The following PLN variants were observed in gnomAD, a reference collection of about 807,000 sequenced individuals.
PLN encodes the protein cardiac phospholamban.
Under a neutral mutation model 3.9 loss-of-function variants are expected in PLN, and 1 was observed. The ratio of observed to expected loss-of-function variants is 0.26; its 90% confidence interval spans 0.09 to 1.23. The LOEUF (loss-of-function observed/expected upper bound fraction) is 1.23. Among genes scored for constraint, PLN ranks in the 50% most tolerant of loss-of-function variants. The probability of loss-of-function intolerance (pLI) is 0.48; values close to 1 mark genes in which losing one functional copy is unlikely to be tolerated. For synonymous variants in PLN, 21 were observed against 20.5 expected (o/e 1.02, Z -0.07); for missense variants, 59 against 62.7 (o/e 0.94, Z 0.20).
rs188747795 is a variant in PLN at position 118,551,738 on chromosome 6, C to T, written c.-98+3346C>T. Among the ~76,000 whole-genome samples, 6 of 152,018 alleles carry T rather than the reference C, an allele frequency of 3.9e-5. No homozygotes were observed. The East Asian group carries it at 9.7e-4, about 24-fold the overall frequency. Reference sequence around the variant, plus strand: ...ATGCATATACAATTATTTTCATAACCAGACAGAAGCAGCTTGAAGATTCTT... The same window carrying T: ...ATGCATATACAATTATTTTCATAACTAGACAGAAGCAGCTTGAAGATTCTT... On this transcript the variant is annotated intron_variant, in intron 1 of 1. Coordinates refer to ENST00000357525, the MANE Select transcript of PLN (RefSeq NM_002667.5).
intron 1 of PLN, among the ~76,000 whole-genome samples, chr6:118,555,510 T>C (rs1583037946): frequency 6.7e-6 from 1 of 149,096 alleles, no homozygotes; most frequent in Non-Finnish European, 1.5e-5. Context: ...AATAAGCAAA[T>C]ATCAACATAA....
rs1319259890 is a variant in PLN, at chr6:118,560,684, T to C, written c.*1604T>C. ...CAGTCCACTCTACTGAGCTAAATTA[T>C]AGATCCAGCTATGCTATTTATAATT... is the stretch of plus-strand genomic sequence containing the variant. On this transcript the variant is annotated 3_prime_UTR_variant, in exon 2 of 2. Coordinates refer to ENST00000357525, the MANE Select transcript of PLN (RefSeq NM_002667.5). 3 of 166,710 alleles carry C rather than the reference T, an allele frequency of 1.8e-5. No individual in the cohort carries two copies. The highest frequency in any genetic ancestry group is 3.8e-4 in the East Asian group (2 of 5,198). The allele number at this position is 166,710 out of a possible 1,614,324, so 10.3% of individuals were successfully genotyped here.
At chr6:118,555,500 A>AATAAGCAAATATCAAC (rs376314551) in intron 1 of PLN, among the ~76,000 whole-genome samples, 22 of 152,290 alleles carry the variant, frequency 1.4e-4, no homozygotes, top group African/African-American at 4.8e-4. Flanking sequence ...CTAGATCTAC[A>AATAAGCAAATATCAAC]ATAAGCAAAT....
chr6:118,558,894 A>T lies in PLN; in HGVS notation c.-28A>T, dbSNP rs763754683. ...TTTATCTTTCTCTCGACCACTTAAA[A>T]CTTCAGACTTCCTGTCCTGCTGGTA... On this transcript the variant is annotated 5_prime_UTR_variant, in exon 2 of 2. Coordinates refer to ENST00000357525, the MANE Select transcript of PLN (RefSeq NM_002667.5). 23 of 1,605,368 alleles carry T rather than the reference A, an allele frequency of 1.4e-5. No individual in the cohort carries two copies. Among genetic ancestry groups the T allele is most frequent in the Non-Finnish European group, 2.0e-5 (23 of 1,172,336 alleles).
chr6:118,554,554 G>C lies in PLN; in HGVS notation c.-97-4271G>C, dbSNP rs9688495. ...ATACCAATTATGCACTAAGTACTAG[G>C]ATACTAAATAAACACACAGTTTCTT... On this transcript the variant is annotated intron_variant, in intron 1 of 1. Coordinates refer to ENST00000357525, the MANE Select transcript of PLN (RefSeq NM_002667.5). Among the ~76,000 whole-genome samples the C allele has an allele frequency of 3.9e-5, 6 of 152,068 alleles. 1 individual carries two copies. The highest frequency in any genetic ancestry group is 1.4e-4 in the African/African-American group (6 of 41,396).
chr6:118,556,152 C>T (rs1434147641), intron 1 of PLN, among the ~76,000 whole-genome samples: 1 of 152,136 alleles, frequency 6.6e-6, no homozygotes, highest in Non-Finnish European at 1.5e-5. Context: ...TTACACTCCT[C>T]TGGATATATA....
intron 1 of PLN, among the ~76,000 whole-genome samples, chr6:118,549,734 T>C (rs1332960451): frequency 1.3e-5 from 2 of 151,914 alleles, no homozygotes; most frequent in Non-Finnish European, 3.0e-5. Flanking sequence ...TATTCAAATA[T>C]CTATCAAATT....
At chr6:118,558,652 C>CAG (rs1482465423) in intron 1 of PLN, among the ~76,000 whole-genome samples, 173 bp from the exon 2 acceptor site, 5 of 132,896 alleles carry the variant, frequency 3.8e-5, no homozygotes, top group East Asian at 2.0e-4. Flanking sequence ...CACACACACA[C>CAG]ACACACACAG....
At chr6:118,549,856 A>G (rs556512418) in intron 1 of PLN, among the ~76,000 whole-genome samples, 109 of 152,038 alleles carry the variant, frequency 7.2e-4, no homozygotes, top group African/African-American at 2.5e-3. Flanking sequence ...AGCAGAAATT[A>G]TATTAAACTT....
intron 1 of PLN, among the ~76,000 whole-genome samples, chr6:118,549,576 G>A (rs1778417464): frequency 6.6e-6 from 1 of 151,620 alleles, no homozygotes; most frequent in Non-Finnish European, 1.5e-5. Context: ...AACTCTGTAA[G>A]CAGCTTTCCT....
At chr6:118,551,927 TG>T (rs1487718529) in intron 1 of PLN, among the ~76,000 whole-genome samples, 16 of 152,042 alleles carry the variant, frequency 1.1e-4, no homozygotes, top group Admixed American at 1.0e-3. Context: ...AATGATGAAC[TG>T]TCCTAATTTA....
intron 1 of PLN, among the ~76,000 whole-genome samples, chr6:118,554,674 GC>G (rs1444691479): frequency 6.6e-6 from 1 of 152,134 alleles, no homozygotes; most frequent in African/African-American, 2.4e-5. Context: ...TAACACTAAA[GC>G]CCTATTAAAA....
chr6:118,550,055 T>C (rs1209155758), intron 1 of PLN, among the ~76,000 whole-genome samples: 2 of 151,902 alleles, frequency 1.3e-5, no homozygotes, highest in Non-Finnish European at 2.9e-5. Context: ...AAAAAAGTGT[T>C]AGATGAAATC....
At chr6:118,549,375 C>G (rs930344921) in intron 1 of PLN, among the ~76,000 whole-genome samples, 1 of 151,840 alleles carries the variant, frequency 6.6e-6, no homozygotes, top group African/African-American at 2.4e-5. Context: ...CTTTATGTTA[C>G]AATCCTCAAT....
At chr6:118,548,693 T>TA (rs1486675729) in intron 1 of PLN, among the ~76,000 whole-genome samples, 1 of 152,076 alleles carries the variant, frequency 6.6e-6, no homozygotes, top group Non-Finnish European at 1.5e-5. Context: ...TTCTGCCAAT[T>TA]AAAAAATCTT....
intron 1 of PLN, among the ~76,000 whole-genome samples, chr6:118,554,661 A>C (rs577701779): frequency 5.9e-5 from 9 of 152,224 alleles, no homozygotes; most frequent in Non-Finnish European, 7.3e-5. Context: ...ATCCTCATAT[A>C]GATAACACTA....
In PLN at chr6:118,561,382, T is replaced by A. The variant is rs1779213378; in HGVS notation, c.*2302T>A. On this transcript the variant is annotated 3_prime_UTR_variant, in exon 2 of 2. Transcript: ENST00000357525. The stretch of plus-strand genomic sequence containing the variant: ...TAAACAGAAATAACTAATTTTTTTG[T>A]TCTTCATTCTTTGATAGAAATTAAA... Among the ~76,000 whole-genome samples the A allele has an allele frequency of 6.6e-6, 1 of 152,170 alleles. No homozygotes were observed. Among genetic ancestry groups the A allele is most frequent in the Non-Finnish European group, 1.5e-5 (1 of 68,016 alleles).
At chr6:118,558,694 G>A (rs1562259846) in intron 1 of PLN, 131 bp from the exon 2 acceptor site, 4 of 549,510 alleles carry the variant, frequency 7.3e-6, no homozygotes, top group South Asian at 6.0e-5. Flanking sequence ...GAGAGGGAGA[G>A]AGACTATAGA....
intron 1 of PLN, among the ~76,000 whole-genome samples, chr6:118,557,320 T>A (rs1463105157): frequency 1.3e-5 from 2 of 152,210 alleles, no homozygotes; most frequent in East Asian, 3.8e-4. Context: ...TCAAACCAAT[T>A]ACATCTACAG....
Sources: gnomAD v4.1 joint callset for allele counts (sites outside exome capture counted in the v4.1 genomes callset) on GRCh38, gnomAD v4.1.1 for gene constraint, MANE v1.5 for transcripts, NCBI Gene and HGNC (gene_info 2026-07-23, HGNC 2026-07-21) for gene names.